RBFOX1: variants seen among roughly 807,000 people sequenced by gnomAD.
RBFOX1 encodes the protein RNA binding protein fox-1 homolog 1.
Under a neutral mutation model 57.7 loss-of-function variants are expected in RBFOX1, and 8 were observed. The observed-to-expected ratio is 0.14, with a 90% confidence interval of 0.08 to 0.25. The LOEUF (loss-of-function observed/expected upper bound fraction) is 0.25. Ranked by LOEUF, RBFOX1 falls within the 10% of genes least tolerant of loss-of-function variation. RBFOX1 has a pLI of 1.00. For missense variants in RBFOX1, 611 were observed against 548.5 expected, an observed-to-expected ratio of 1.11 and a Z score of -1.14; for synonymous variants, 326 against 222.4, an observed-to-expected ratio of 1.47 and a Z score of -4.15.
rs114712052 is a variant in RBFOX1 at position 7,155,521 on chromosome 16, G to A, written c.27+103423G>A. 4.3e-3 allele frequency among the ~76,000 whole-genome samples: 644 copies of A among 151,010 alleles called. 2 individuals are homozygous for A. The highest frequency in any genetic ancestry group is 0.015 in the African/African-American group (615 of 41,048). ...TAAAATGGGAGGATTGCTTGAGCTC[G>A]GGAGTTGTAGGTTGCCATGACTGGA... On this transcript the variant is annotated intron_variant, in intron 4 of 15. Coordinates refer to ENST00000550418, the MANE Select transcript of RBFOX1 (RefSeq NM_018723.4).
chr16:6,883,972 A>G (rs1159167033), intron 3 of RBFOX1, among the ~76,000 whole-genome samples: 1 of 152,076 alleles, frequency 6.6e-6, no homozygotes, highest in Non-Finnish European at 1.5e-5. Context: ...CGCAGAGGAG[A>G]TGGGGAGATT....
chr16:6,276,899 T>A (rs1206350781), intron 1 of RBFOX1, among the ~76,000 whole-genome samples: 1 of 152,172 alleles, frequency 6.6e-6, no homozygotes, highest in Middle Eastern at 3.2e-3. Flanking sequence ...TATTTTGTGC[T>A]TTATATTCGG....
chr16:7,411,895 C>T (rs1476598264), intron 4 of RBFOX1, among the ~76,000 whole-genome samples: 1 of 85,710 alleles, frequency 1.2e-5, no homozygotes, highest in East Asian at 3.4e-4. Context: ...AAGAGCAAAA[C>T]TCCTTTCAAA....
chr16:7,430,675 A>AT (rs1555898785), intron 4 of RBFOX1, among the ~76,000 whole-genome samples: 8 of 151,232 alleles, frequency 5.3e-5, no homozygotes, highest in South Asian at 2.1e-4. Flanking sequence ...AAAAAAAAAA[A>AT]GTACCCACCC....
chr16:7,217,048 CCTCCCTCT>C (rs2092214309), intron 4 of RBFOX1, among the ~76,000 whole-genome samples: 3 of 110,650 alleles, frequency 2.7e-5, no homozygotes, highest in African/African-American at 1.3e-4. Flanking sequence ...TCCCTCCCTC[CCTCCCTCT>C]CTCTCCCTCT....
chr16:7,339,482 C>G (rs903134960), intron 4 of RBFOX1, among the ~76,000 whole-genome samples: 13 of 152,218 alleles, frequency 8.5e-5, no homozygotes, highest in African/African-American at 2.6e-4. Flanking sequence ...GCTCTGTAGC[C>G]CAGGCTGTAG....
At chr16:7,382,841 C>T (rs1204705118) in intron 4 of RBFOX1, among the ~76,000 whole-genome samples, 1 of 152,154 alleles carries the variant, frequency 6.6e-6, no homozygotes, top group Admixed American at 6.5e-5. Context: ...TAAATTGCTC[C>T]CTACTTATAA....
chr16:6,165,448 C>A (rs1479218951), intron 1 of RBFOX1, among the ~76,000 whole-genome samples: 1 of 152,148 alleles, frequency 6.6e-6, no homozygotes, highest in African/African-American at 2.4e-5. Context: ...AAAGCAGCAC[C>A]TAGGAAGGAG....
At chr16:7,428,620 C>T (rs2149522044) in intron 4 of RBFOX1, among the ~76,000 whole-genome samples, 1 of 151,398 alleles carries the variant, frequency 6.6e-6, no homozygotes, top group East Asian at 2.0e-4. Flanking sequence ...ATCCACCTGC[C>T]TTGGCCTCCC....
At chr16:7,672,697 C>T (rs1305720302) in intron 13 of RBFOX1, among the ~76,000 whole-genome samples, 6 of 151,468 alleles carry the variant, frequency 4.0e-5, no homozygotes, top group African/African-American at 1.5e-4. Context: ...ATCAAAACCG[C>T]ATCTCTACTA....
At chr16:6,069,425 A>T (rs540605574) in intron 1 of RBFOX1, among the ~76,000 whole-genome samples, 1 of 146,760 alleles carries the variant, frequency 6.8e-6, no homozygotes, top group Non-Finnish European at 1.5e-5. Context: ...AAGGGAGGGG[A>T]TAAAGGGGGA....
intron 4 of RBFOX1, among the ~76,000 whole-genome samples, chr16:7,505,041 T>G (rs2072767525): frequency 6.6e-6 from 1 of 151,098 alleles, no homozygotes; most frequent in Non-Finnish European, 1.5e-5. Context: ...CAACGGTGGA[T>G]GGTTTTGACC....
chr16:7,704,696 TTATTAGAGTTGC>T (rs1442803915), intron 14 of RBFOX1, among the ~76,000 whole-genome samples: 5 of 152,040 alleles, frequency 3.3e-5, no homozygotes, highest in Non-Finnish European at 5.9e-5. Context: ...GGAAATAAGA[TTATTAGAGTTGC>T]TATACAACAT....
intron 1 of RBFOX1, among the ~76,000 whole-genome samples, chr16:6,224,973 TG>T (rs1363706280): frequency 7.4e-6 from 1 of 135,646 alleles, no homozygotes; most frequent in Non-Finnish European, 1.5e-5. Context: ...GAGCCAAGAT[TG>T]TGCCATTACA....
rs138504676 is a variant in RBFOX1, at chr16:7,054,545, T to G, written c.27+2447T>G. On this transcript the variant is annotated intron_variant, in intron 4 of 15. Transcript: ENST00000550418. ...TGTGAGCCACTGCGCCAAACCTGGG[T>G]GGGGGGGCATTTTTTAAGGGTTTCT... Among the ~76,000 whole-genome samples the G allele has an allele frequency of 9.5e-4, 103 of 108,406 alleles. 2 individuals carry two copies. Among genetic ancestry groups the G allele is most frequent in the South Asian group, 1.7e-3 (4 of 2,290 alleles). 71.1% of individuals were successfully genotyped at this position (108,406 alleles called of 152,430 possible).
intron 1 of RBFOX1, among the ~76,000 whole-genome samples, chr16:5,281,950 T>G (rs1202134586): frequency 6.6e-6 from 1 of 152,212 alleles, no homozygotes; most frequent in East Asian, 1.9e-4. Context: ...TTCCTGTCAT[T>G]TTGTTCATTG....
At chr16:7,611,341 T>G (rs2057427018) in intron 10 of RBFOX1, among the ~76,000 whole-genome samples, 1 of 152,150 alleles carries the variant, frequency 6.6e-6, no homozygotes, top group Non-Finnish European at 1.5e-5. Context: ...ATCCCAGTAC[T>G]TTGAGAGGCC....
intron 2 of RBFOX1, among the ~76,000 whole-genome samples, chr16:6,609,711 TA>T: frequency 6.6e-6 from 1 of 152,134 alleles, no homozygotes; most frequent in East Asian, 1.9e-4. Context: ...TAACCCCCTT[TA>T]AAAACACTAG....
chr16:6,717,420 C>T (rs1017213099), intron 3 of RBFOX1, among the ~76,000 whole-genome samples: 6 of 152,042 alleles, frequency 3.9e-5, no homozygotes, highest in African/African-American at 1.5e-4. Context: ...GCATAAGAAA[C>T]TTGAGAGCAG....
Sources: gnomAD v4.1 joint callset for allele counts (sites outside exome capture counted in the v4.1 genomes callset) on GRCh38, gnomAD v4.1.1 for gene constraint, MANE v1.5 for transcripts, NCBI Gene and HGNC (gene_info 2026-07-23, HGNC 2026-07-21) for gene names.